The following DOCK1 variants were observed in gnomAD, a reference collection of about 807,000 sequenced individuals.
DOCK1 encodes dedicator of cytokinesis protein 1.
A neutral mutation model predicts 262.7 loss-of-function variants in DOCK1; 138 were observed. The ratio of observed to expected loss-of-function variants is 0.53; its 90% confidence interval spans 0.46 to 0.61. DOCK1 has a LOEUF of 0.61. Among genes scored for constraint, DOCK1 ranks in the 20% least tolerant of loss-of-function variants. The pLI is 0.00. For missense variants in DOCK1, 1,908 were observed against 2,370.7 expected, an observed-to-expected ratio of 0.80 and a Z score of 4.05; for synonymous variants, 866 against 867.4, an observed-to-expected ratio of 1.00 and a Z score of 0.03.
At chr10:126,911,808 T>G (rs958368091) in intron 1 of DOCK1, among the ~76,000 whole-genome samples, 6 of 152,214 alleles carry the variant, frequency 3.9e-5, no homozygotes, top group South Asian at 2.1e-4. Context: ...GAAACATTGT[T>G]ATGCAAATGG....
In DOCK1 at chr10:127,403,037, C is replaced by A; in HGVS notation, c.3928-18C>A. ...TCAGGCCTCGGCTTCTCTTTCTTTT[C>A]TTTATTTTAACTCACAGATGTGGGA... On this transcript the variant is annotated intron_variant, in intron 38 of 51. Coordinates refer to ENST00000623213, the MANE Select transcript of DOCK1 (RefSeq NM_001290223.2). 6.3e-7 allele frequency: 1 copy of A among 1,598,074 alleles called. No homozygotes were observed. Among genetic ancestry groups the A allele is most frequent in the Non-Finnish European group, 8.5e-7 (1 of 1,173,224 alleles).
chr10:127,083,550 A>G (rs2047029135), intron 23 of DOCK1, among the ~76,000 whole-genome samples: 1 of 152,214 alleles, frequency 6.6e-6, no homozygotes, highest in Non-Finnish European at 1.5e-5. Flanking sequence ...CTTCCTGTTG[A>G]TAGATAATAA....
intron 29 of DOCK1, among the ~76,000 whole-genome samples, chr10:127,338,659 A>G (rs1006530664): frequency 1.3e-5 from 2 of 152,250 alleles, no homozygotes; most frequent in Admixed American, 6.5e-5. Context: ...CAGTGGAATC[A>G]TAGAACATTA....
At chr10:126,939,096 G>A (rs1305233468) in intron 1 of DOCK1, among the ~76,000 whole-genome samples, 1 of 151,746 alleles carries the variant, frequency 6.6e-6, no homozygotes, top group Non-Finnish European at 1.5e-5. Context: ...AGCACCGGAG[G>A]GGATGAACAC....
At chr10:127,230,179 A>T (rs2134549129) in intron 27 of DOCK1, among the ~76,000 whole-genome samples, 1 of 152,324 alleles carries the variant, frequency 6.6e-6, no homozygotes, top group South Asian at 2.1e-4. Context: ...CCTTTCAGAT[A>T]TATGAATTGC....
At chr10:127,121,092 G>A (rs1046572746) in intron 25 of DOCK1, among the ~76,000 whole-genome samples, 3 of 152,258 alleles carry the variant, frequency 2.0e-5, no homozygotes, top group East Asian at 1.9e-4. Context: ...TTCTTTATAC[G>A]TGTGGGTAAA....
intron 27 of DOCK1, among the ~76,000 whole-genome samples, chr10:127,170,641 A>G (rs2133825644): frequency 6.6e-6 from 1 of 152,312 alleles, no homozygotes; most frequent in South Asian, 2.1e-4. Context: ...CAAGACCTAC[A>G]CCCCATTGGT....
chr10:127,356,759 G>C (rs113454908), intron 32 of DOCK1, among the ~76,000 whole-genome samples: 3 of 152,094 alleles, frequency 2.0e-5, no homozygotes, highest in Non-Finnish European at 2.9e-5. Context: ...CCACAGTTGG[G>C]CTCTCAGGGC....
At chr10:127,277,175 T>C (rs912255828) in intron 29 of DOCK1, among the ~76,000 whole-genome samples, 1 of 152,210 alleles carries the variant, frequency 6.6e-6, no homozygotes, top group African/African-American at 2.4e-5. Flanking sequence ...AATGGCCTTT[T>C]GACTTTAAAA....
chr10:127,164,160 T>C (rs1448436213), intron 27 of DOCK1, among the ~76,000 whole-genome samples: 2 of 814 alleles, frequency 2.5e-3, no homozygotes, highest in East Asian at 0.038. Context: ...ATTTGCCTCC[T>C]TTTTTTTTTT....
chr10:127,179,765 T>G (rs1316013142), intron 27 of DOCK1, among the ~76,000 whole-genome samples: 1 of 152,226 alleles, frequency 6.6e-6, no homozygotes, highest in Non-Finnish European at 1.5e-5. Flanking sequence ...ATTTCATTCA[T>G]CATTCCTTCA....
chr10:127,380,215 A>T (rs989236880), intron 36 of DOCK1, 93 bp downstream of exon 36: 6 of 1,046,106 alleles, frequency 5.7e-6, no homozygotes, highest in Non-Finnish European at 8.0e-6. Flanking sequence ...ATAGCCGCAA[A>T]GGTTTATTTT....
chr10:127,229,048 C>T (rs1247462050), intron 27 of DOCK1, among the ~76,000 whole-genome samples: 3 of 152,108 alleles, frequency 2.0e-5, no homozygotes, highest in Admixed American at 6.5e-5. Context: ...GCCTGGCCAA[C>T]ATGGTGAAAC....
At chr10:127,023,700 G>A (rs1363641922) in intron 14 of DOCK1, among the ~76,000 whole-genome samples, 1 of 151,942 alleles carries the variant, frequency 6.6e-6, no homozygotes, top group East Asian at 1.9e-4. Context: ...GGCCTACCAA[G>A]GTGCTGGGAT....
chr10:126,965,469 G>A (rs1038982779), intron 1 of DOCK1, among the ~76,000 whole-genome samples: 3 of 152,290 alleles, frequency 2.0e-5, no homozygotes, highest in South Asian at 2.1e-4. Context: ...AACTGGTGAT[G>A]GAGAGAAGGG....
At chr10:126,927,136 T>C (rs1015990379) in intron 1 of DOCK1, among the ~76,000 whole-genome samples, 1 of 152,160 alleles carries the variant, frequency 6.6e-6, no homozygotes, top group African/African-American at 2.4e-5. Flanking sequence ...TGCTCCGGTG[T>C]ATTTTGCGTC....
At chr10:127,431,717 G>A (rs1476093667) in intron 47 of DOCK1, among the ~76,000 whole-genome samples, 2 of 152,166 alleles carry the variant, frequency 1.3e-5, no homozygotes, top group African/African-American at 4.8e-5. Flanking sequence ...TTGTTGACAG[G>A]CAGGCCATGC....
At chr10:127,338,234 C>A (rs2063284329) in intron 29 of DOCK1, among the ~76,000 whole-genome samples, 1 of 152,184 alleles carries the variant, frequency 6.6e-6, no homozygotes, top group South Asian at 2.1e-4. Flanking sequence ...GTGGACGAAG[C>A]TTTAGTATTG....
intron 29 of DOCK1, among the ~76,000 whole-genome samples, chr10:127,319,012 G>A (rs551840208): frequency 8.5e-5 from 13 of 152,306 alleles, no homozygotes; most frequent in South Asian, 8.3e-4. Context: ...TCTGTGACTT[G>A]CTCTGACACC....
Sources: gnomAD v4.1 joint callset for allele counts (sites outside exome capture counted in the v4.1 genomes callset) on GRCh38, gnomAD v4.1.1 for gene constraint, MANE v1.5 for transcripts, NCBI Gene and HGNC (gene_info 2026-07-23, HGNC 2026-07-21) for gene names.